Variants in FBXL7 observed in about 807,000 individuals in gnomAD.
FBXL7 encodes the protein F-box and leucine rich repeat protein 7, also known as F-box/LRR-repeat protein 7.
A neutral mutation model predicts 38.3 loss-of-function variants in FBXL7; 12 were observed. That is an observed-to-expected ratio of 0.31 (90% CI 0.20 to 0.51). FBXL7 has a LOEUF of 0.51. Ranked by LOEUF, FBXL7 falls within the 20% of genes least tolerant of loss-of-function variation. The pLI, the probability that FBXL7 is intolerant of heterozygous loss-of-function variation, is 0.98. For missense variants in FBXL7, 567 were observed against 676.4 expected (o/e 0.84, Z 1.79); for synonymous variants, 297 against 300.9 (o/e 0.99, Z 0.13).
At chr5:15,766,249 A>G (rs1214144199) in intron 2 of FBXL7, among the ~76,000 whole-genome samples, 3 of 151,524 alleles carry the variant, frequency 2.0e-5, no homozygotes, top group African/African-American at 4.8e-5. Flanking sequence ...TCCCAAAGGC[A>G]GAGTTTGGGT....
chr5:15,877,100 G>A (rs368602479), intron 2 of FBXL7, among the ~76,000 whole-genome samples: 1 of 152,164 alleles, frequency 6.6e-6, no homozygotes, highest in Non-Finnish European at 1.5e-5. Flanking sequence ...TACTACCAAA[G>A]ACAAATCAAA....
Position 15,839,081 on chromosome 5 carries a change from T to C in FBXL7, c.128-88809T>C, listed in dbSNP as rs943124069. ...TTCATACACTTTACCCATTTTTCTG[T>C]TGGGTCATCTTTTTTTTTTTTCCAA... On this transcript the variant is annotated intron_variant, in intron 2 of 3. Coordinates refer to ENST00000504595, the MANE Select transcript of FBXL7 (RefSeq NM_012304.5). 2.4e-4 allele frequency among the ~76,000 whole-genome samples: 36 copies of C among 151,988 alleles called. 1 individual carries two copies. Among genetic ancestry groups the C allele is most frequent in the Admixed American group, 2.0e-3 (31 of 15,278 alleles).
Position 15,570,707 on chromosome 5 carries a change from C to CCA in FBXL7, c.38-45270_38-45269dup, listed in dbSNP as rs1294898970. ...CCTTCCAGGGTGGTTTCCTGCAGCTCCACACACGGCTCGGCCTGGACTTGG... is the reference window on the plus strand; with the variant it reads ...CCTTCCAGGGTGGTTTCCTGCAGCTCCACACACACGGCTCGGCCTGGACTTGG... On this transcript the variant is annotated intron_variant, in intron 1 of 3. Coordinates refer to ENST00000504595, the MANE Select transcript of FBXL7 (RefSeq NM_012304.5). 2.6e-5 allele frequency among the ~76,000 whole-genome samples: 4 copies of CCA among 152,168 alleles called. No homozygotes were observed. In the East Asian group the frequency reaches 5.8e-4, roughly 22 times the overall value.
At chr5:15,738,227 T>G (rs2126671754) in intron 2 of FBXL7, among the ~76,000 whole-genome samples, 1 of 152,314 alleles carries the variant, frequency 6.6e-6, no homozygotes, top group South Asian at 2.1e-4. Context: ...TGAGTTTTGC[T>G]TTCCTTACAT....
intron 2 of FBXL7, among the ~76,000 whole-genome samples, chr5:15,664,469 C>CTTTTTTT (rs34999340): frequency 4.7e-5 from 5 of 105,536 alleles, no homozygotes; most frequent in Non-Finnish European, 7.4e-5. Flanking sequence ...TTTTCTTTTC[C>CTTTTTTT]TTTTTTTTTT....
At chr5:15,929,855 G>C (rs1315712669) in intron 3 of FBXL7, among the ~76,000 whole-genome samples, 2 of 152,146 alleles carry the variant, frequency 1.3e-5, no homozygotes, top group Non-Finnish European at 1.5e-5. Context: ...CCAACAGCAC[G>C]ACCAGCAACC....
intron 2 of FBXL7, among the ~76,000 whole-genome samples, chr5:15,735,198 G>A (rs572109183): frequency 6.6e-6 from 1 of 152,328 alleles, no homozygotes; most frequent in African/African-American, 2.4e-5. Flanking sequence ...CTCCCAAAGT[G>A]CTGGGAGTAT....
At chr5:15,876,318 C>A (rs1036719429) in intron 2 of FBXL7, among the ~76,000 whole-genome samples, 4 of 151,894 alleles carry the variant, frequency 2.6e-5, no homozygotes, top group African/African-American at 9.7e-5. Flanking sequence ...TTGATGGGTG[C>A]AGCAAACCAC....
chr5:15,611,823 A>C (rs1740247801), intron 1 of FBXL7, among the ~76,000 whole-genome samples: 2 of 151,272 alleles, frequency 1.3e-5, no homozygotes, highest in African/African-American at 2.4e-5. Context: ...TCTCTATTAA[A>C]AAAAAAAAAA....
intron 2 of FBXL7, among the ~76,000 whole-genome samples, chr5:15,781,263 CGA>C (rs1215898605): frequency 1.3e-5 from 2 of 151,852 alleles, no homozygotes; most frequent in African/African-American, 4.8e-5. Flanking sequence ...CAAGTGATAA[CGA>C]GAGAGAAATT....
At chr5:15,634,666 T>G (rs2126546508) in intron 2 of FBXL7, among the ~76,000 whole-genome samples, 1 of 152,302 alleles carries the variant, frequency 6.6e-6, no homozygotes, top group Non-Finnish European at 1.5e-5. Context: ...GATGGCTAAC[T>G]TAGTGTCTTA....
At chr5:15,622,340 G>T (rs137915065) in intron 2 of FBXL7, among the ~76,000 whole-genome samples, 1 of 151,662 alleles carries the variant, frequency 6.6e-6, no homozygotes, top group African/African-American at 2.4e-5. Context: ...ACAATGTGCA[G>T]GTTTGTTACA....
At chr5:15,766,072 C>G (rs1016715911) in intron 2 of FBXL7, among the ~76,000 whole-genome samples, 1 of 92,490 alleles carries the variant, frequency 1.1e-5, no homozygotes, top group East Asian at 3.7e-4. Flanking sequence ...ACCTACCTAC[C>G]TAACAGCATC....
chr5:15,647,704 G>A (rs2126565396), intron 2 of FBXL7, among the ~76,000 whole-genome samples: 1 of 152,342 alleles, frequency 6.6e-6, no homozygotes, highest in Non-Finnish European at 1.5e-5. Context: ...AACAGAGGAA[G>A]AGGAAATAGA....
At chr5:15,685,966 T>C (rs1743003348) in intron 2 of FBXL7, among the ~76,000 whole-genome samples, 1 of 152,102 alleles carries the variant, frequency 6.6e-6, no homozygotes, top group Non-Finnish European at 1.5e-5. Context: ...TACACAAACA[T>C]AGAACAACAG....
At chr5:15,834,212 C>T (rs571545887) in intron 2 of FBXL7, among the ~76,000 whole-genome samples, 3 of 152,278 alleles carry the variant, frequency 2.0e-5, no homozygotes, top group African/African-American at 7.2e-5. Flanking sequence ...AACAAATCCA[C>T]CTAAGGGCTG....
intron 2 of FBXL7, among the ~76,000 whole-genome samples, chr5:15,887,616 G>GTGGA (rs1356142965): frequency 6.6e-6 from 1 of 152,168 alleles, no homozygotes; most frequent in Non-Finnish European, 1.5e-5. Context: ...TTGTTAAGGT[G>GTGGA]TATCCCTAAA....
chr5:15,716,497 A>G (rs1283292704), intron 2 of FBXL7, among the ~76,000 whole-genome samples: 2 of 152,108 alleles, frequency 1.3e-5, no homozygotes, highest in African/African-American at 4.8e-5. Context: ...CTCCTGGCCT[A>G]TTAAGTTGCC....
intron 1 of FBXL7, among the ~76,000 whole-genome samples, chr5:15,576,699 T>G (rs1487603053): frequency 6.6e-6 from 1 of 152,180 alleles, no homozygotes; most frequent in Non-Finnish European, 1.5e-5. Context: ...ATTGATTTTT[T>G]TTTTTGGTCC....
Sources: allele counts gnomAD v4.1 joint callset (sites outside exome capture counted in the v4.1 genomes callset), GRCh38; gene constraint gnomAD v4.1.1; transcripts MANE v1.5; gene names NCBI Gene and HGNC (gene_info 2026-07-23, HGNC 2026-07-21).